Variants in RAP1GDS1 observed in about 807,000 individuals in gnomAD.
The protein encoded by RAP1GDS1 is RAP1, GTP-GDP dissociation stimulator 1.
In RAP1GDS1, 35 loss-of-function variants were observed where a neutral mutation model predicts 71.1. The ratio of observed to expected loss-of-function variants is 0.49; its 90% CI spans 0.38 to 0.65. The LOEUF is 0.65. Ranked by LOEUF, RAP1GDS1 falls within the 30% of genes least tolerant of loss-of-function variation. The pLI, the probability that RAP1GDS1 is intolerant of heterozygous loss-of-function variation, is 0.00. For synonymous variants in RAP1GDS1, 229 were observed against 243.1 expected (o/e 0.94, Z 0.54); for missense variants, 663 against 706.1 (o/e 0.94, Z 0.69).
intron 2 of RAP1GDS1, among the ~76,000 whole-genome samples, chr4:98,294,595 A>C (rs1471855816): frequency 1.3e-5 from 2 of 152,120 alleles, no homozygotes; most frequent in African/African-American, 2.4e-5. Flanking sequence ...GGAAAGGAGA[A>C]CGTCTAAGCC....
intron 2 of RAP1GDS1, among the ~76,000 whole-genome samples, chr4:98,336,465 A>G (rs1390177829): frequency 6.6e-6 from 1 of 152,218 alleles, no homozygotes; most frequent in African/African-American, 2.4e-5. Context: ...CTGGAATTGA[A>G]ATGAGTACAA....
intron 3 of RAP1GDS1, among the ~76,000 whole-genome samples, chr4:98,348,793 C>T (rs566748557): frequency 1.4e-4 from 22 of 152,168 alleles, no homozygotes; most frequent in African/African-American, 4.8e-4. Flanking sequence ...TCATATCCTT[C>T]GCTCAGTTTT....
At chr4:98,269,084 T>C (rs1723085906) in intron 1 of RAP1GDS1, among the ~76,000 whole-genome samples, 1 of 145,440 alleles carries the variant, frequency 6.9e-6, no homozygotes. Flanking sequence ...CAAAACAGTA[T>C]GGTACTGGCA....
intron 4 of RAP1GDS1, among the ~76,000 whole-genome samples, chr4:98,358,175 A>G (rs1035294828): frequency 6.6e-6 from 1 of 152,066 alleles, no homozygotes; most frequent in African/African-American, 2.4e-5. Flanking sequence ...GAGACAAAAT[A>G]GTAGGAGGGA....
chr4:98,420,695 C>T (rs1748718873), intron 11 of RAP1GDS1, among the ~76,000 whole-genome samples: 1 of 152,166 alleles, frequency 6.6e-6, no homozygotes, highest in Admixed American at 6.5e-5. Flanking sequence ...TATACCATAT[C>T]TCTCCTTATT....
rs1578289068 is a variant in RAP1GDS1, at chr4:98,281,709, A to G, written c.5-11699A>G. 2.6e-5 allele frequency among the ~76,000 whole-genome samples: 4 copies of G among 152,298 alleles called. No individual in the cohort carries two copies. In the South Asian group the frequency reaches 8.3e-4, roughly 32 times the overall value. ...GCCATTTTTGAAAGGGAATGCTTCC[A>G]GTTTTTGCCCATTCAGTATGATATT... On this transcript the variant is annotated intron_variant, in intron 1 of 14. Coordinates refer to ENST00000408927, the MANE Select transcript of RAP1GDS1 (RefSeq NM_001100427.2).
chr4:98,411,008 T>C (rs1746987270), intron 7 of RAP1GDS1, among the ~76,000 whole-genome samples: 2 of 152,220 alleles, frequency 1.3e-5, no homozygotes, highest in African/African-American at 4.8e-5. Context: ...AATAATATAT[T>C]AAACTTAACT....
intron 12 of RAP1GDS1, among the ~76,000 whole-genome samples, chr4:98,425,161 A>G (rs1184664252): frequency 6.6e-6 from 1 of 152,218 alleles, no homozygotes; most frequent in East Asian, 1.9e-4. Context: ...AAGGAAAGAT[A>G]CAGTGTGTTT....
At chr4:98,353,388 C>T (rs1737498657) in intron 4 of RAP1GDS1, among the ~76,000 whole-genome samples, 1 of 152,024 alleles carries the variant, frequency 6.6e-6, no homozygotes, top group South Asian at 2.1e-4. Context: ...CTTATTTTCC[C>T]CATTGAGTGT....
chr4:98,338,555 G>A (rs1215131570), intron 2 of RAP1GDS1, among the ~76,000 whole-genome samples: 1 of 151,988 alleles, frequency 6.6e-6, no homozygotes. Context: ...TCATATTTGT[G>A]GTCCTTAATC....
At chr4:98,286,867 C>T (rs1026656651) in intron 1 of RAP1GDS1, among the ~76,000 whole-genome samples, 9 of 117,878 alleles carry the variant, frequency 7.6e-5, no homozygotes, top group South Asian at 2.5e-4. Context: ...GCCTGGGCAA[C>T]GAGAGTGAAA....
intron 3 of RAP1GDS1, among the ~76,000 whole-genome samples, chr4:98,344,642 G>A (rs747303938): frequency 1.3e-5 from 2 of 152,064 alleles, no homozygotes; most frequent in African/African-American, 2.4e-5. Context: ...AGCTATGTTC[G>A]AAAGACATAA....
chr4:98,402,520 T>C (rs1247181226), intron 6 of RAP1GDS1, among the ~76,000 whole-genome samples: 1 of 151,798 alleles, frequency 6.6e-6, no homozygotes, highest in Non-Finnish European at 1.5e-5. Flanking sequence ...AAAGCCGTAG[T>C]TTTTTGTGAC....
intron 5 of RAP1GDS1, among the ~76,000 whole-genome samples, chr4:98,385,588 G>GT (rs1238739082): frequency 2.6e-5 from 4 of 151,736 alleles, no homozygotes; most frequent in Non-Finnish European, 5.9e-5. Context: ...TATTAATCCT[G>GT]TTTTTTTAAC....
chr4:98,349,585 C>T (rs1329785303), intron 3 of RAP1GDS1, among the ~76,000 whole-genome samples: 1 of 152,136 alleles, frequency 6.6e-6, no homozygotes, highest in African/African-American at 2.4e-5. Flanking sequence ...GATACTGATT[C>T]GTCCTATCCA....
At chr4:98,434,738 A>C (rs979961658) in intron 13 of RAP1GDS1, among the ~76,000 whole-genome samples, 2 of 150,972 alleles carry the variant, frequency 1.3e-5, no homozygotes, top group South Asian at 4.2e-4. Context: ...CTCGTGCCTC[A>C]GCCTCCTGAG....
In RAP1GDS1 at chr4:98,436,963, A is replaced by G; in HGVS notation, c.1591A>G (p.Ser531Gly). 6 of 1,607,152 alleles carry G rather than the reference A, an allele frequency of 3.7e-6. No homozygotes were observed. The highest frequency in any genetic ancestry group is 5.1e-6 in the Non-Finnish European group (6 of 1,178,282). Residue 531 changes from serine to glycine, a missense_variant, in exon 14 of 15, where the codon AGT becomes GGT. Coordinates refer to ENST00000408927, the MANE Select transcript of RAP1GDS1 (RefSeq NM_001100427.2). ...AGGCACTGCTGAGAAAGATCTAGAA[A>G]GTGCTAAACTTGTACAGATTTTACA... is the stretch of plus-strand genomic sequence containing the variant. ...ELGTAEKDLE[S>G]AKLVQILHRL...
chr4:98,328,067 T>A (rs1247133688), intron 2 of RAP1GDS1, among the ~76,000 whole-genome samples: 1 of 152,200 alleles, frequency 6.6e-6, no homozygotes, highest in African/African-American at 2.4e-5. Context: ...ATTAAATAAT[T>A]CCAGTGGCCA....
At chr4:98,391,462 AT>A (rs1455453347) in intron 5 of RAP1GDS1, among the ~76,000 whole-genome samples, 2 of 152,100 alleles carry the variant, frequency 1.3e-5, no homozygotes. Context: ...ATTTTTGTGT[AT>A]TTATTAAATA....
Sources: allele counts gnomAD v4.1 joint callset (sites outside exome capture counted in the v4.1 genomes callset), GRCh38; gene constraint gnomAD v4.1.1; transcripts MANE v1.5; gene names NCBI Gene and HGNC (gene_info 2026-07-23, HGNC 2026-07-21).